The following ZNF805 variants were observed in gnomAD, a reference collection of about 807,000 sequenced individuals.
The protein encoded by ZNF805 is CTC-444N24.8.
In ZNF805, 7 loss-of-function variants were observed where a neutral mutation model predicts 13.6. That is an observed-to-expected ratio of 0.51 (90% confidence interval 0.29 to 0.97). ZNF805 has a LOEUF of 0.97. ZNF805 is among the 50% of genes least tolerant of loss of function. The probability of loss-of-function intolerance (pLI) is 0.08; values close to 1 mark genes in which losing one functional copy is unlikely to be tolerated. For missense variants in ZNF805, 604 were observed against 771.0 expected (o/e 0.78, Z 2.57); for synonymous variants, 293 against 279.8 (o/e 1.05, Z -0.47).
chr19:57,255,799 T>G lies in ZNF805; in HGVS notation c.*1096T>G, dbSNP rs1346758252. On this transcript the variant is annotated 3_prime_UTR_variant, in exon 4 of 4. Transcript: ENST00000414468. ...TGCAATTTGGGACAGTTTTATTTCT[T>G]GCTTCCCATCTGTATACCTTTTATT... Among the ~76,000 whole-genome samples, 7 of 152,192 alleles carry G rather than the reference T, an allele frequency of 4.6e-5. No individual in the cohort carries two copies. In the East Asian group the frequency reaches 1.3e-3, roughly 29 times the overall value.
rs2087686045 is a variant in ZNF805 at position 57,256,122 on chromosome 19, G to A, written c.*1419G>A. On this transcript the variant is annotated 3_prime_UTR_variant, in exon 4 of 4. Coordinates refer to ENST00000414468, the MANE Select transcript of ZNF805 (RefSeq NM_001023563.4). ...TACTTCTATAGTCAGTTGATATGAT[G>A]TGTTACCTTGATTGAGTTTCAAGTA... is the stretch of plus-strand genomic sequence containing the variant. Among the ~76,000 whole-genome samples the A allele has an allele frequency of 6.6e-6, 1 of 152,040 alleles. No individual in the cohort carries two copies. The highest frequency in any genetic ancestry group is 6.6e-5 in the Admixed American group (1 of 15,264).
chr19:57,241,060 T>G, intron 1 of ZNF805, 139 bp downstream of exon 1: 1 of 929,480 alleles, frequency 1.1e-6, no homozygotes, highest in Non-Finnish European at 1.6e-6. Context: ...GCTCGTCACT[T>G]AGTTTATCTC....
intron 3 of ZNF805, among the ~76,000 whole-genome samples, chr19:57,252,587 T>G (rs2087658303): frequency 6.6e-6 from 1 of 151,914 alleles, no homozygotes; most frequent in African/African-American, 2.4e-5. Flanking sequence ...GTTTTTAGAG[T>G]TTGTTGAGCT....
intron 1 of ZNF805, among the ~76,000 whole-genome samples, chr19:57,243,567 A>G (rs1323358599): frequency 1.3e-5 from 2 of 152,214 alleles, no homozygotes; most frequent in East Asian, 1.9e-4. Context: ...AAGCTTCAGC[A>G]TGAGCTGGAC....
rs1172664566 is a variant in ZNF805, at chr19:57,253,680, T to C, written c.861T>C (p.Tyr287=). The stretch of plus-strand genomic sequence containing the variant: ...GGATTCACAGTGGAGAGAAGCCTTA[T>C]AAGTGCAGTGAATGTGGAAAGGCCT... The part of the protein sequence containing the change: ...HQRIHSGEKP[Y]KCSECGKAFT... The change falls in exon 4 of 4, where the codon TAT becomes TAC. Residue 287 remains tyrosine (Y), a synonymous_variant. Coordinates refer to ENST00000414468, the MANE Select transcript of ZNF805 (RefSeq NM_001023563.4). The surrounding 1 kb of genome is among the most constrained non-coding windows in gnomAD (Gnocchi z 4.4). The C allele has an allele frequency of 1.9e-6, 3 of 1,613,814 alleles. No individual in the cohort carries two copies. Among genetic ancestry groups the C allele is most frequent in the Non-Finnish European group, 8.5e-7 (1 of 1,179,986 alleles).
In ZNF805 at chr19:57,251,270, A is replaced by G. The variant is rs564895299; in HGVS notation, c.254-1803A>G. Among the ~76,000 whole-genome samples the G allele has an allele frequency of 1.7e-4, 26 of 151,868 alleles. No homozygotes were observed. The South Asian group carries it at 4.8e-3, about 28-fold the overall frequency. On this transcript the variant is annotated intron_variant, in intron 3 of 3. Coordinates refer to ENST00000414468, the MANE Select transcript of ZNF805 (RefSeq NM_001023563.4). ...AATTTTTGGAAGGTTCCATTGATCCATATCCTATCTAATACTTGAAACTAT... is the reference window on the plus strand; with the variant it reads ...AATTTTTGGAAGGTTCCATTGATCCGTATCCTATCTAATACTTGAAACTAT...
intron 1 of ZNF805, among the ~76,000 whole-genome samples, chr19:57,242,046 A>G (rs946028903): frequency 9.2e-5 from 14 of 152,244 alleles, no homozygotes; most frequent in Non-Finnish European, 1.9e-4. Flanking sequence ...CTTGATGTGA[A>G]CTGAGAAATG....
At chr19:57,250,883 C>G (rs1377604263) in intron 3 of ZNF805, among the ~76,000 whole-genome samples, 1 of 152,158 alleles carries the variant, frequency 6.6e-6, no homozygotes, top group African/African-American at 2.4e-5. Flanking sequence ...TTATATTATA[C>G]GTTTTCATGG....
Position 57,254,524 on chromosome 19 carries a change from G to T in ZNF805, c.1705G>T (p.Val569Leu). 6.2e-7 allele frequency: 1 copy of T among 1,614,228 alleles called. No individual in the cohort carries two copies. The highest frequency in any genetic ancestry group is 8.5e-7 in the Non-Finnish European group (1 of 1,180,048). ...GCATACTGGGAGAAATCCTATCAGTGTAACAGATGTGGGAAGACCTTTTAC... is the reference window on the plus strand; with the variant it reads ...GCATACTGGGAGAAATCCTATCAGTTTAACAGATGTGGGAAGACCTTTTAC... The part of the protein sequence containing the change: ...RMHTGRNPIS[V>L]TDVGRPFTSG... Residue 569 changes from valine to leucine, a missense_variant, in exon 4 of 4, where the codon GTA (valine) becomes TTA (leucine). Physicochemically the swap from Val to Leu is conservative, Grantham distance 32. This residue lies in a region of ZNF805 where 228 missense variants were observed against 352.8 expected (regional missense o/e 0.65). Coordinates refer to ENST00000414468, the MANE Select transcript of ZNF805 (RefSeq NM_001023563.4).
Position 57,253,887 on chromosome 19 carries a change from A to T in ZNF805, c.1068A>T (p.Ser356=). The change falls in exon 4 of 4, where the codon TCA becomes TCT. Residue 356 remains serine, a synonymous_variant. Coordinates refer to ENST00000414468, the MANE Select transcript of ZNF805 (RefSeq NM_001023563.4). This position sits in a 1 kb window ranked among gnomAD's most constrained non-coding sequence, Gnocchi z 4.4. ...GTGGCAAGGTCTTCAAACACAGATC[A>T]TACCTCATGTGGCACCAGCAGACTC... ...FECGKVFKHR[S]YLMWHQQTHT... 1 of 1,614,146 alleles carries T rather than the reference A, an allele frequency of 6.2e-7. No homozygotes were observed. Among genetic ancestry groups the T allele is most frequent in the Non-Finnish European group, 8.5e-7 (1 of 1,180,024 alleles).
rs2087677580 is a variant in ZNF805, at chr19:57,254,814, G to C, written c.*111G>C. On this transcript the variant is annotated 3_prime_UTR_variant, in exon 4 of 4. Transcript: ENST00000414468. ...AATTCATCCTGGAAAAACACCCAGTGGTTATTACGCACTTGGGAAAACCTT... is the reference window on the plus strand; with the variant it reads ...AATTCATCCTGGAAAAACACCCAGTCGTTATTACGCACTTGGGAAAACCTT... 2.6e-6 allele frequency: 3 copies of C among 1,142,196 alleles called. No individual in the cohort carries two copies. Among genetic ancestry groups the C allele is most frequent in the Non-Finnish European group, 3.7e-6 (3 of 814,890 alleles). The allele number at this position is 1,142,196 out of a possible 1,614,324, so 70.8% of individuals were successfully genotyped here. A position where few individuals can be genotyped will look rare whatever the true frequency, so the allele number is the denominator to read the frequency against.
In ZNF805 at chr19:57,252,632, C is replaced by T. The variant is rs537628224; in HGVS notation, c.254-441C>T. On this transcript the variant is annotated intron_variant, in intron 3 of 3. Transcript: ENST00000414468. ...AAGCACGGTTAATCGAGACATTGCC[C>T]ACATTGCCATGTGAAGTTTCCAGCC... 2.0e-5 allele frequency among the ~76,000 whole-genome samples: 3 copies of T among 152,302 alleles called. No individual in the cohort carries two copies. The East Asian group carries it at 5.8e-4, about 29-fold the overall frequency.
In ZNF805 at chr19:57,260,107, A is replaced by G. The variant is rs75070620; in HGVS notation, c.*5404A>G. 2.3e-3 allele frequency among the ~76,000 whole-genome samples: 345 copies of G among 152,222 alleles called. 3 individuals are homozygous for G. Among genetic ancestry groups the G allele is most frequent in the African/African-American group, 8.0e-3 (333 of 41,544 alleles). The stretch of plus-strand genomic sequence containing the variant: ...GCTCTGTAAGCCTTGTTATATCCTC[A>G]ATGGAGAAGGGGTCATTCCTTTTCT... On this transcript the variant is annotated 3_prime_UTR_variant, in exon 4 of 4. Transcript: ENST00000414468.
chr19:57,261,405 G>A lies in ZNF805; in HGVS notation c.*6702G>A, dbSNP rs939633168. ...TGTTTGAGATGCCTGAAGAACATCA[G>A]TGTATCCCCCTAATTTCTGTCATGT... On this transcript the variant is annotated 3_prime_UTR_variant, in exon 4 of 4. Coordinates refer to ENST00000414468, the MANE Select transcript of ZNF805 (RefSeq NM_001023563.4). The A allele has an allele frequency of 1.2e-5, 2 of 167,052 alleles. No individual in the cohort carries two copies. Among genetic ancestry groups the A allele is most frequent in the Non-Finnish European group, 2.9e-5 (2 of 68,102 alleles). The allele number at this position is 167,052 out of a possible 1,614,324, so 10.3% of individuals were successfully genotyped here.
At chr19:57,246,774 C>CAAAAAAAAAAAA (rs1168593434) in intron 2 of ZNF805, among the ~76,000 whole-genome samples, 1 of 86,250 alleles carries the variant, frequency 1.2e-5, no homozygotes. Context: ...GACTTCGTCT[C>CAAAAAAAAAAAA]AAAAAAAAAA....
At position 57,253,914 on chromosome 19, in the gene ZNF805, T is replaced by C. The variant is rs754845754; in HGVS notation, c.1095T>C (p.His365=). Residue 365 remains histidine (H), a synonymous_variant, in exon 4 of 4, where the codon CAT becomes CAC. Transcript: ENST00000414468. This position sits in a 1 kb window ranked among gnomAD's most constrained non-coding sequence, Gnocchi z 4.4. The stretch of plus-strand genomic sequence containing the variant: ...ACCTCATGTGGCACCAGCAGACTCA[T>C]ACCGGGGAGAAGCCCTATGAGTGCA... ...RSYLMWHQQT[H]TGEKPYECSE... 1.4e-5 allele frequency: 22 copies of C among 1,613,450 alleles called. 1 individual carries two copies. The South Asian group carries it at 2.2e-4, about 16-fold the overall frequency.
At chr19:57,248,457 T>G in intron 2 of ZNF805, 148 bp from the exon 3 acceptor site, 1 of 692,720 alleles carries the variant, frequency 1.4e-6, no homozygotes, top group Admixed American at 2.4e-5. Flanking sequence ...GCCCTTGGTT[T>G]CTAGATCACG....
intron 2 of ZNF805, among the ~76,000 whole-genome samples, chr19:57,247,043 T>G (rs1023377424): frequency 6.6e-6 from 1 of 151,992 alleles, no homozygotes; most frequent in African/African-American, 2.4e-5. Flanking sequence ...TTTTTTTTTT[T>G]TTTTTGAGAT....
At chr19:57,252,952 G>A (rs779099588) in intron 3 of ZNF805, 121 bp from the exon 4 acceptor site, 60 of 896,608 alleles carry the variant, frequency 6.7e-5, no homozygotes, top group Non-Finnish European at 8.9e-5. Flanking sequence ...GTTCAAGATG[G>A]CAAAATATAA....
Sources: gnomAD v4.1 joint callset for allele counts (sites outside exome capture counted in the v4.1 genomes callset) on GRCh38, gnomAD v4.1.1 for gene constraint, gnomAD v4.1.1 regional missense constraint, Gnocchi (gnomAD v3.1) non-coding constraint, MANE v1.5 for transcripts, NCBI Gene and HGNC (gene_info 2026-07-23, HGNC 2026-07-21) for gene names.